The following CSMD1 variants were observed in gnomAD, a reference collection of about 807,000 sequenced individuals.
CSMD1 encodes the protein CUB and sushi domain-containing protein 1.
In CSMD1, 213 loss-of-function variants were observed where a neutral mutation model predicts 417.5. The observed-to-expected ratio is 0.51, with a 90% CI of 0.46 to 0.57. The LOEUF is 0.57. CSMD1 is among the 20% of genes least tolerant of loss of function. The pLI is 0.00. For missense variants in CSMD1, 6,923 were observed against 4,529.7 expected, an observed-to-expected ratio of 1.53 and a Z score of -15.17; for synonymous variants, 2,862 against 1,736.8, an observed-to-expected ratio of 1.65 and a Z score of -16.11.
At chr8:4,181,203 T>G (rs547236981) in intron 3 of CSMD1, among the ~76,000 whole-genome samples, 3 of 152,312 alleles carry the variant, frequency 2.0e-5, no homozygotes, top group African/African-American at 7.2e-5. Context: ...ACATCCCATA[T>G]AGCACCGATG....
chr8:4,289,975 C>T (rs975232174), intron 3 of CSMD1, among the ~76,000 whole-genome samples: 2 of 152,186 alleles, frequency 1.3e-5, no homozygotes, highest in Non-Finnish European at 2.9e-5. Context: ...TTATTTCATT[C>T]AGCTTGTATA....
chr8:3,969,227 G>A (rs1394869241), intron 5 of CSMD1, among the ~76,000 whole-genome samples: 23 of 152,290 alleles, frequency 1.5e-4, no homozygotes, highest in African/African-American at 4.8e-4. Context: ...TCCAGCCTGG[G>A]TGACAGAGTG....
chr8:3,257,541 G>C (rs1168457324), intron 26 of CSMD1, among the ~76,000 whole-genome samples: 1 of 152,212 alleles, frequency 6.6e-6, no homozygotes, highest in Non-Finnish European at 1.5e-5. Context: ...ATGGCACTGA[G>C]AGTGCTGGGG....
intron 1 of CSMD1, among the ~76,000 whole-genome samples, chr8:4,904,779 C>T (rs35005911): frequency 0.47 from 71,294 of 151,896 alleles, 18,139 homozygotes; most frequent in Admixed American, 0.64. Context: ...AAAACTTCAG[C>T]AGTTATTTTG....
At chr8:4,567,294 G>T (rs1046935656) in intron 2 of CSMD1, among the ~76,000 whole-genome samples, 4 of 152,130 alleles carry the variant, frequency 2.6e-5, no homozygotes, top group African/African-American at 9.7e-5. Context: ...CTCAGAGCTT[G>T]TAAAACCCAA....
intron 12 of CSMD1, among the ~76,000 whole-genome samples, chr8:3,467,492 T>G (rs1217779314): frequency 6.6e-6 from 1 of 152,258 alleles, no homozygotes; most frequent in African/African-American, 2.4e-5. Context: ...ATTCAGCAGT[T>G]GCCTCTGCAT....
chr8:3,109,647 A>G (rs2129015792), intron 43 of CSMD1, among the ~76,000 whole-genome samples: 1 of 152,248 alleles, frequency 6.6e-6, no homozygotes, highest in East Asian at 1.9e-4. Flanking sequence ...CAAGGCCTTC[A>G]CATGCATTTC....
At chr8:4,818,268 T>C (rs888304720) in intron 1 of CSMD1, among the ~76,000 whole-genome samples, 1 of 152,164 alleles carries the variant, frequency 6.6e-6, no homozygotes, top group Non-Finnish European at 1.5e-5. Flanking sequence ...TTCTCGTAGG[T>C]CACCCCGATT....
Position 4,118,700 on chromosome 8 carries a change from T to C in CSMD1, c.416-86601A>G, listed in dbSNP as rs372244667. ...ACAGTGTGGTGATTGCTCAAGGATCTAGAACTAGAAATACCATTTGACCCA... is the reference window on the plus strand; with the variant it reads ...ACAGTGTGGTGATTGCTCAAGGATCCAGAACTAGAAATACCATTTGACCCA... On this transcript the variant is annotated intron_variant, in intron 3 of 69. Coordinates refer to ENST00000635120, the MANE Select transcript of CSMD1 (RefSeq NM_033225.6). 1.2e-4 allele frequency among the ~76,000 whole-genome samples: 19 copies of C among 152,286 alleles called. No individual in the cohort carries two copies. In the East Asian group the frequency reaches 2.5e-3, roughly 20 times the overall value.
Position 3,029,252 on chromosome 8 carries a change from C to A in CSMD1, c.7855+67G>T, listed in dbSNP as rs1300858416. The A allele has an allele frequency of 6.7e-6, 9 of 1,348,390 alleles. No homozygotes were observed. In the African/African-American group the frequency reaches 1.2e-4, roughly 18 times the overall value. The allele number at this position is 1,348,390 out of a possible 1,614,324, so 83.5% of individuals were successfully genotyped here. A position where few individuals can be genotyped will look rare whatever the true frequency, so the allele number is the denominator to read the frequency against. On this transcript the variant is annotated intron_variant, in intron 51 of 69. Coordinates refer to ENST00000635120, the MANE Select transcript of CSMD1 (RefSeq NM_033225.6). ...ATAGCTCCACTAGAGAAGCTCACCACTGACATAAGCCATCTAGAATAATCT... is the reference window on the plus strand; with the variant it reads ...ATAGCTCCACTAGAGAAGCTCACCAATGACATAAGCCATCTAGAATAATCT...
chr8:3,252,903 G>A (rs1216522149), intron 26 of CSMD1, among the ~76,000 whole-genome samples: 2 of 152,076 alleles, frequency 1.3e-5, no homozygotes, highest in African/African-American at 2.4e-5. Context: ...GGGATCGGTG[G>A]TGATATTACC....
At position 4,506,664 on chromosome 8, in the gene CSMD1, G is replaced by T. The variant is rs547879479; in HGVS notation, c.303-86599C>A. Among the ~76,000 whole-genome samples, 5 of 152,246 alleles carry T rather than the reference G, an allele frequency of 3.3e-5. No homozygotes were observed. The South Asian group carries it at 1.0e-3, about 32-fold the overall frequency. On this transcript the variant is annotated intron_variant, in intron 2 of 69. Transcript: ENST00000635120. ...TTACATAAGACCCTATAATTTCAGT[G>T]TGTTTTTCACAGAGCTTAACCTCCT...
Position 3,683,303 on chromosome 8 carries a change from T to C in CSMD1, c.1009+25111A>G, listed in dbSNP as rs536317790. On this transcript the variant is annotated intron_variant, in intron 7 of 69. Transcript: ENST00000635120. Reference sequence around the variant, plus strand: ...CCTGTGGACCCAGAATATGGATGGATCAGTCAAGGCAAAGTTCTTTCATTG... The same window carrying C: ...CCTGTGGACCCAGAATATGGATGGACCAGTCAAGGCAAAGTTCTTTCATTG... Among the ~76,000 whole-genome samples, 278 of 152,186 alleles carry C rather than the reference T, an allele frequency of 1.8e-3. 1 individual carries two copies. The highest frequency in any genetic ancestry group is 6.3e-3 in the African/African-American group (260 of 41,550).
chr8:3,187,687 G>C (rs1179265187), intron 36 of CSMD1, among the ~76,000 whole-genome samples, 182 bp downstream of exon 36: 1 of 152,094 alleles, frequency 6.6e-6, no homozygotes, highest in Non-Finnish European at 1.5e-5. Context: ...ACACAGCTTT[G>C]TTTTTACTCA....
At chr8:2,965,113 T>G (rs1265781146) in intron 59 of CSMD1, among the ~76,000 whole-genome samples, 1 of 152,122 alleles carries the variant, frequency 6.6e-6, no homozygotes, top group Non-Finnish European at 1.5e-5. Context: ...AAATAAACTG[T>G]CACCACGCAA....
intron 7 of CSMD1, among the ~76,000 whole-genome samples, chr8:3,698,788 G>A (rs1343708349): frequency 1.3e-5 from 2 of 152,230 alleles, no homozygotes; most frequent in African/African-American, 4.8e-5. Context: ...GAGTGAAAAT[G>A]TATCTGGTTA....
intron 1 of CSMD1, among the ~76,000 whole-genome samples, chr8:4,823,476 G>C (rs886235442): frequency 7.2e-5 from 11 of 151,898 alleles, no homozygotes; most frequent in African/African-American, 2.7e-4. Context: ...GGGCAACCGA[G>C]GATTCCATAG....
intron 3 of CSMD1, among the ~76,000 whole-genome samples, chr8:4,140,170 T>C (rs190817772): frequency 2.1e-4 from 32 of 150,098 alleles, no homozygotes; most frequent in Non-Finnish European, 3.8e-4. Flanking sequence ...CTGAGCAACA[T>C]AGCAAAAACC....
At chr8:4,666,553 T>C (rs773083073) in intron 1 of CSMD1, among the ~76,000 whole-genome samples, 1 of 152,216 alleles carries the variant, frequency 6.6e-6, no homozygotes, top group Non-Finnish European at 1.5e-5. Flanking sequence ...TGACCAATTT[T>C]GGACTTCTGA....
Sources: allele counts gnomAD v4.1 joint callset (sites outside exome capture counted in the v4.1 genomes callset), GRCh38; gene constraint gnomAD v4.1.1; transcripts MANE v1.5; gene names NCBI Gene and HGNC (gene_info 2026-07-23, HGNC 2026-07-21).